Variants in GPR180 observed in about 807,000 individuals in gnomAD.
GPR180 encodes integral membrane protein GPR180.
A neutral mutation model predicts 52.6 loss-of-function variants in GPR180; 53 were observed. The observed-to-expected ratio is 1.01, with a 90% CI of 0.81 to 1.27. GPR180 has a LOEUF of 1.27. Ranked by LOEUF, GPR180 falls within the 50% of genes most tolerant of loss-of-function variation. GPR180 has a pLI of 0.00. For synonymous variants in GPR180, 200 were observed against 193.1 expected (o/e 1.04, Z -0.30); for missense variants, 533 against 527.0 (o/e 1.01, Z -0.11).
At position 94,627,404 on chromosome 13, in the gene GPR180, TA is replaced by T. The variant is rs1176069371; in HGVS notation, c.*234del. 2.3e-6 allele frequency: 1 copy of T among 443,962 alleles called. No homozygotes were observed. Among genetic ancestry groups the T allele is most frequent in the African/African-American group, 2.1e-5 (1 of 48,522 alleles). 27.5% of individuals were successfully genotyped at this position (443,962 alleles called of 1,614,324 possible). ...TTTGAAGAAAGTGTTGTTATAAAAT[TA>T]TTGAAGCGATTTCTATGTGGAAATA... On this transcript the variant is annotated 3_prime_UTR_variant, in exon 9 of 9. Transcript: ENST00000376958.
intron 7 of GPR180, 139 bp from the exon 8 acceptor site, chr13:94,625,827 T>C: frequency 2.2e-6 from 1 of 449,966 alleles, no homozygotes; most frequent in South Asian, 5.4e-5. Context: ...AATTTATTTC[T>C]ACATTTTATT....
In GPR180 at chr13:94,633,787, T is replaced by C. The variant is rs1890030008; in HGVS notation, c.*6616T>C. 1 of 152,146 alleles carries C rather than the reference T, an allele frequency of 6.6e-6. No individual in the cohort carries two copies. Among genetic ancestry groups the C allele is most frequent in the Non-Finnish European group, 1.5e-5 (1 of 68,020 alleles). The allele number at this position is 152,146 out of a possible 1,614,324, so 9.4% of individuals were successfully genotyped here. ...AAGCCTTAGCTCTTTGAGATTATGT[T>C]TAAATGCCCTGTATTTTCATCTAGT... is the stretch of plus-strand genomic sequence containing the variant. On this transcript the variant is annotated 3_prime_UTR_variant, in exon 9 of 9. Transcript: ENST00000376958.
At chr13:94,626,149 G>A in intron 8 of GPR180, 106 bp downstream of exon 8, 4 of 681,056 alleles carry the variant, frequency 5.9e-6, no homozygotes, top group South Asian at 2.3e-5. Flanking sequence ...ACATTTTCTG[G>A]GTTATTTAAA....
chr13:94,610,582 A>G (rs1360458058), intron 2 of GPR180, among the ~76,000 whole-genome samples: 1 of 151,984 alleles, frequency 6.6e-6, no homozygotes, highest in Non-Finnish European at 1.5e-5. Flanking sequence ...TTCTAACTCT[A>G]CTCTTTTTGT....
In GPR180 at chr13:94,612,125, A is replaced by T. The variant is rs1021870621; in HGVS notation, c.305-65A>T. On this transcript the variant is annotated intron_variant, in intron 2 of 8. Coordinates refer to ENST00000376958, the MANE Select transcript of GPR180 (RefSeq NM_180989.6). The stretch of plus-strand genomic sequence containing the variant: ...ATTGTCCTAACCTCAAATTGATTAT[A>T]TGACTAAAACAGTGAAACACATTTG... 2.3e-5 allele frequency: 29 copies of T among 1,255,418 alleles called. No homozygotes were observed. In the African/African-American group the frequency reaches 3.3e-4, roughly 14 times the overall value. The allele number at this position is 1,255,418 out of a possible 1,614,324, so 77.8% of individuals were successfully genotyped here. A position where few individuals can be genotyped will look rare whatever the true frequency, so the allele number is the denominator to read the frequency against.
At position 94,630,867 on chromosome 13, in the gene GPR180, C is replaced by A. The variant is rs1889985982; in HGVS notation, c.*3696C>A. On this transcript the variant is annotated 3_prime_UTR_variant, in exon 9 of 9. Coordinates refer to ENST00000376958, the MANE Select transcript of GPR180 (RefSeq NM_180989.6). ...AGATAGGTTCTGCAGAATTCTCTTC[C>A]ATGCATAATTTCAGGACAATGTAGG... The A allele has an allele frequency of 6.6e-6, 1 of 152,194 alleles. No homozygotes were observed. The highest frequency in any genetic ancestry group is 1.5e-5 in the Non-Finnish European group (1 of 68,044). The allele number at this position is 152,194 out of a possible 1,614,324, so 9.4% of individuals were successfully genotyped here. A position where few individuals can be genotyped will look rare whatever the true frequency, so the allele number is the denominator to read the frequency against.
At position 94,629,597 on chromosome 13, in the gene GPR180, A is replaced by G. The variant is rs1032439038; in HGVS notation, c.*2426A>G. 1 of 152,206 alleles carries G rather than the reference A, an allele frequency of 6.6e-6. No homozygotes were observed. The highest frequency in any genetic ancestry group is 2.4e-5 in the African/African-American group (1 of 41,460). 9.4% of individuals were successfully genotyped at this position (152,206 alleles called of 1,614,324 possible). Reference sequence around the variant, plus strand: ...ACTTTACCTTCATGATTTAAGGAACATGTATTAGCTGTGTTTTAGTGAGAA... The same window carrying G: ...ACTTTACCTTCATGATTTAAGGAACGTGTATTAGCTGTGTTTTAGTGAGAA... On this transcript the variant is annotated 3_prime_UTR_variant, in exon 9 of 9. Transcript: ENST00000376958.
chr13:94,624,547 C>A (rs1231036005), intron 7 of GPR180, among the ~76,000 whole-genome samples: 1 of 152,164 alleles, frequency 6.6e-6, no homozygotes, highest in Admixed American at 6.5e-5. Context: ...ATTAAGTTTT[C>A]TTATTTTGCT....
intron 3 of GPR180, among the ~76,000 whole-genome samples, chr13:94,613,906 G>C (rs1889745383): frequency 6.7e-6 from 1 of 149,776 alleles, no homozygotes; most frequent in Non-Finnish European, 1.5e-5. Flanking sequence ...TGAGACAGAG[G>C]CTTGCCCTGT....
In GPR180 at chr13:94,624,209, A is replaced by G. The variant is rs74104283; in HGVS notation, c.1086+909A>G. On this transcript the variant is annotated intron_variant, in intron 7 of 8. Transcript: ENST00000376958. ...ACATTATAGAACCTTCCCTCCCTAG[A>G]AGGTTTCATTTTTCTGTCAGATTGA... Among the ~76,000 whole-genome samples the G allele has an allele frequency of 7.8e-4, 119 of 152,214 alleles. 1 individual carries two copies. Among genetic ancestry groups the G allele is most frequent in the African/African-American group, 2.8e-3 (116 of 41,528 alleles).
At chr13:94,602,111 G>A in intron 1 of GPR180, 39 bp downstream of exon 1, 5 of 1,283,072 alleles carry the variant, frequency 3.9e-6, no homozygotes, top group Non-Finnish European at 4.9e-6. Context: ...AGGCGCGCTG[G>A]CCCATCCCGC....
At chr13:94,609,408 A>G (rs762367391) in intron 2 of GPR180, among the ~76,000 whole-genome samples, 6 of 152,224 alleles carry the variant, frequency 3.9e-5, no homozygotes, top group Non-Finnish European at 8.8e-5. Flanking sequence ...CCTTGCCGAA[A>G]AGACAGCAAG....
At chr13:94,620,879 T>C (rs1456269061) in intron 5 of GPR180, among the ~76,000 whole-genome samples, 199 bp from the exon 6 acceptor site, 1 of 152,104 alleles carries the variant, frequency 6.6e-6, no homozygotes, top group Non-Finnish European at 1.5e-5. Context: ...TTAATAAATA[T>C]ATTACAAAAT....
chr13:94,611,735 A>G (rs1478870868), intron 2 of GPR180, among the ~76,000 whole-genome samples: 3 of 151,764 alleles, frequency 2.0e-5, no homozygotes, highest in Non-Finnish European at 4.4e-5. Flanking sequence ...ACAACTACCC[A>G]TTGCCCGTCC....
intron 6 of GPR180, among the ~76,000 whole-genome samples, chr13:94,621,461 T>G (rs1303953034): frequency 6.6e-6 from 1 of 152,210 alleles, no homozygotes; most frequent in Non-Finnish European, 1.5e-5. Context: ...GACTGCAGAA[T>G]TTAATTATAA....
At chr13:94,604,539 G>A (rs1594470059) in intron 1 of GPR180, among the ~76,000 whole-genome samples, 1 of 151,846 alleles carries the variant, frequency 6.6e-6, no homozygotes, top group Non-Finnish European at 1.5e-5. Flanking sequence ...GCAGTGAGCC[G>A]AGATTGCGCC....
intron 2 of GPR180, 44 bp downstream of exon 2, chr13:94,605,593 T>C: frequency 6.5e-7 from 1 of 1,539,342 alleles, no homozygotes; most frequent in Non-Finnish European, 8.9e-7. Context: ...ATAGTTTTTT[T>C]CCTCCTAATG....
chr13:94,626,868 A>T (rs531543807), intron 8 of GPR180, 145 bp from the exon 9 acceptor site: 5 of 618,736 alleles, frequency 8.1e-6, no homozygotes, highest in South Asian at 3.4e-5. Flanking sequence ...TAGTCAGAAA[A>T]TTTTTTTGAT....
chr13:94,627,137 T>C lies in GPR180; in HGVS notation c.1289T>C (p.Ile430Thr), dbSNP rs1161419894. The C allele has an allele frequency of 1.9e-6, 3 of 1,612,780 alleles. No individual in the cohort carries two copies. The highest frequency in any genetic ancestry group is 2.5e-6 in the Non-Finnish European group (3 of 1,179,490). Residue 430 changes from isoleucine (I) to threonine (T), a missense_variant, in exon 9 of 9, where the codon ATA becomes ACA. Ile to Thr is a moderately conservative substitution (Grantham distance 89). Transcript: ENST00000376958. ...SLSSVTLPLTISSGHKSRPHF is the reference protein window; with the variant it reads ...SLSSVTLPLTTSSGHKSRPHF ...TCTTCAGTAACACTACCACTGACCA[T>C]ATCATCTGGACACAAAAGTCGCCCT...
Sources: gnomAD v4.1 joint callset for allele counts (sites outside exome capture counted in the v4.1 genomes callset) on GRCh38, gnomAD v4.1.1 for gene constraint, MANE v1.5 for transcripts, NCBI Gene and HGNC (gene_info 2026-07-23, HGNC 2026-07-21) for gene names.